The following CNTN4 variants were observed in gnomAD, a reference collection of about 807,000 sequenced individuals.
CNTN4 encodes the protein contactin 4.
CNTN4 carries 77 observed loss-of-function variants against 122.5 expected under a neutral mutation model. The ratio of observed to expected loss-of-function variants is 0.63; its 90% CI spans 0.52 to 0.76. The LOEUF (loss-of-function observed/expected upper bound fraction) is 0.76. CNTN4 is among the 30% of genes least tolerant of loss of function. The pLI is 0.00. For missense variants in CNTN4, 1,256 were observed against 1,259.1 expected (o/e 1.00, Z 0.04); for synonymous variants, 512 against 447.0 (o/e 1.15, Z -1.83).
intron 2 of CNTN4, among the ~76,000 whole-genome samples, chr3:2,303,252 G>T (rs908134210): frequency 9.2e-5 from 14 of 152,086 alleles, no homozygotes; most frequent in African/African-American, 3.4e-4. Flanking sequence ...CTTTTTTAAA[G>T]TGTACAATTT....
chr3:3,053,587 T>A (rs1387435968), intron 23 of CNTN4, among the ~76,000 whole-genome samples: 1 of 152,194 alleles, frequency 6.6e-6, no homozygotes, highest in Non-Finnish European at 1.5e-5. Flanking sequence ...ACGTTGCTGA[T>A]GCCCCTGATA....
intron 7 of CNTN4, among the ~76,000 whole-genome samples, chr3:2,858,662 G>A (rs2093640983): frequency 6.6e-6 from 1 of 151,494 alleles, no homozygotes; most frequent in Admixed American, 6.6e-5. Context: ...GGTGGAGGCT[G>A]CACCCCGGCA....
chr3:2,192,567 A>C (rs1273336310), intron 2 of CNTN4, among the ~76,000 whole-genome samples: 2 of 152,144 alleles, frequency 1.3e-5, no homozygotes, highest in African/African-American at 2.4e-5. Context: ...CAGAATCTAC[A>C]AAGAACTCAA....
chr3:2,248,943 C>T (rs554497244), intron 2 of CNTN4, among the ~76,000 whole-genome samples: 28 of 151,962 alleles, frequency 1.8e-4, no homozygotes, highest in African/African-American at 5.8e-4. Flanking sequence ...GGTATTCCCT[C>T]GTACCCTCCA....
At chr3:2,672,348 C>T (rs1442078657) in intron 4 of CNTN4, among the ~76,000 whole-genome samples, 1 of 152,196 alleles carries the variant, frequency 6.6e-6, no homozygotes, top group Non-Finnish European at 1.5e-5. Flanking sequence ...TGCTGCCTTG[C>T]AGTTTGATCT....
intron 3 of CNTN4, among the ~76,000 whole-genome samples, chr3:2,484,834 C>G (rs2076102272): frequency 6.6e-6 from 1 of 152,244 alleles, no homozygotes; most frequent in Non-Finnish European, 1.5e-5. Flanking sequence ...GCCCTTCAGC[C>G]TGCCACTGTG....
intron 7 of CNTN4, among the ~76,000 whole-genome samples, chr3:2,863,739 A>G (rs1443976573): frequency 6.6e-6 from 1 of 150,608 alleles, no homozygotes; most frequent in Non-Finnish European, 1.5e-5. Flanking sequence ...TGGATGCTTA[A>G]ACACTCTCTA....
intron 4 of CNTN4, 37 bp downstream of exon 4, chr3:2,571,595 G>T: frequency 6.7e-7 from 1 of 1,481,632 alleles, no homozygotes; most frequent in Non-Finnish European, 9.4e-7. Context: ...ATTTAGAAAT[G>T]CCACTGTATT....
In CNTN4 at chr3:2,623,745, T is replaced by G. The variant is rs540276883; in HGVS notation, c.55+52187T>G. ...GAATACAGAGTGGAAAACAGTAATA[T>G]GTGTATCAGCCTGAATGAAACAGTA... On this transcript the variant is annotated intron_variant, in intron 4 of 24. Coordinates refer to ENST00000418658, the MANE Select transcript of CNTN4 (RefSeq NM_175607.3). 5.1e-4 allele frequency among the ~76,000 whole-genome samples: 78 copies of G among 152,240 alleles called. 1 individual carries two copies. The South Asian group carries it at 0.016, about 30-fold the overall frequency.
intron 3 of CNTN4, among the ~76,000 whole-genome samples, chr3:2,384,450 A>T (rs1455040626): frequency 6.6e-6 from 1 of 152,218 alleles, no homozygotes; most frequent in African/African-American, 2.4e-5. Context: ...GGGAAAAAGC[A>T]AGGGAAACTG....
intron 2 of CNTN4, among the ~76,000 whole-genome samples, chr3:2,132,859 A>AG (rs1168423962): frequency 6.6e-6 from 1 of 152,184 alleles, no homozygotes; most frequent in Non-Finnish European, 1.5e-5. Flanking sequence ...CAGAAACTAC[A>AG]GGGGAAATAA....
chr3:2,788,695 C>T (rs1174446905), intron 6 of CNTN4, among the ~76,000 whole-genome samples: 1 of 152,122 alleles, frequency 6.6e-6, no homozygotes, highest in Non-Finnish European at 1.5e-5. Context: ...CTCTAAAAAA[C>T]AGTCATTAGA....
At chr3:2,442,997 G>A (rs2048492341) in intron 3 of CNTN4, among the ~76,000 whole-genome samples, 1 of 151,996 alleles carries the variant, frequency 6.6e-6, no homozygotes, top group Non-Finnish European at 1.5e-5. Flanking sequence ...AAAATAGGGA[G>A]GGTGTAAGGA....
intron 17 of CNTN4, among the ~76,000 whole-genome samples, chr3:3,035,887 A>G (rs533124914): frequency 1.1e-3 from 168 of 152,238 alleles, no homozygotes; most frequent in African/African-American, 3.9e-3. Context: ...TTGGGGATAA[A>G]AAGACATGAG....
At chr3:2,504,455 G>A (rs894864710) in intron 3 of CNTN4, among the ~76,000 whole-genome samples, 2 of 152,140 alleles carry the variant, frequency 1.3e-5, no homozygotes, top group Non-Finnish European at 2.9e-5. Context: ...TTGTGTGAGA[G>A]GGTTGAGTGA....
chr3:2,966,101 A>G (rs899438970), intron 13 of CNTN4, among the ~76,000 whole-genome samples: 1 of 152,198 alleles, frequency 6.6e-6, no homozygotes, highest in African/African-American at 2.4e-5. Flanking sequence ...AGTGAGCACT[A>G]CTAGCCATTG....
chr3:2,770,831 T>G (rs188977405), intron 6 of CNTN4, among the ~76,000 whole-genome samples: 1 of 152,210 alleles, frequency 6.6e-6, no homozygotes, highest in East Asian at 1.9e-4. Context: ...GAGGCATAGC[T>G]CAGGGGCTCT....
At chr3:2,523,760 G>C (rs1427792878) in intron 3 of CNTN4, among the ~76,000 whole-genome samples, 1 of 151,986 alleles carries the variant, frequency 6.6e-6, no homozygotes, top group Admixed American at 6.6e-5. Context: ...TATTTACCCA[G>C]AATCCTCACG....
intron 7 of CNTN4, among the ~76,000 whole-genome samples, chr3:2,824,167 A>C (rs933178263): frequency 6.6e-6 from 1 of 151,718 alleles, no homozygotes; most frequent in South Asian, 2.1e-4. Context: ...TTAAAAAAAA[A>C]AAAAAAACAG....
Sources: gnomAD v4.1 joint callset for allele counts (sites outside exome capture counted in the v4.1 genomes callset) on GRCh38, gnomAD v4.1.1 for gene constraint, MANE v1.5 for transcripts, NCBI Gene and HGNC (gene_info 2026-07-23, HGNC 2026-07-21) for gene names.